Variants in ASIC2 observed in about 807,000 individuals in gnomAD.
ASIC2 encodes the protein acid-sensing ion channel 2.
ASIC2 carries 25 observed loss-of-function variants against 57.3 expected under a neutral mutation model. That is an observed-to-expected ratio of 0.44 (90% CI 0.32 to 0.61). The LOEUF is 0.61. ASIC2 is among the 20% of genes least tolerant of loss of function. ASIC2 has a pLI of 0.06. For missense variants in ASIC2, 641 were observed against 738.1 expected, an observed-to-expected ratio of 0.87 and a Z score of 1.52; for synonymous variants, 319 against 307.5, an observed-to-expected ratio of 1.04 and a Z score of -0.39.
intron 1 of ASIC2, among the ~76,000 whole-genome samples, chr17:34,016,252 G>A (rs1431702949): frequency 1.3e-5 from 2 of 151,808 alleles, no homozygotes; most frequent in African/African-American, 2.4e-5. Flanking sequence ...GTGAAACCCC[G>A]TCTTTACTAA....
At chr17:33,578,615 G>A (rs753821670) in intron 1 of ASIC2, among the ~76,000 whole-genome samples, 3 of 151,994 alleles carry the variant, frequency 2.0e-5, no homozygotes, top group South Asian at 2.1e-4. Flanking sequence ...ATCTTTATAC[G>A]TTTGGGGTTC....
At chr17:34,058,829 C>T (rs1044121231) in intron 1 of ASIC2, among the ~76,000 whole-genome samples, 13 of 152,262 alleles carry the variant, frequency 8.5e-5, no homozygotes, top group East Asian at 1.9e-4. Flanking sequence ...TGCCAAATAC[C>T]GCACTAAGCA....
At chr17:34,099,270 A>G (rs557860157) in intron 1 of ASIC2, among the ~76,000 whole-genome samples, 1 of 147,432 alleles carries the variant, frequency 6.8e-6, no homozygotes, top group East Asian at 2.0e-4. Flanking sequence ...AAAGAAAGAA[A>G]GAGGAAAGAA....
intron 1 of ASIC2, among the ~76,000 whole-genome samples, chr17:34,133,925 C>T (rs1379740416): frequency 6.6e-6 from 1 of 152,152 alleles, no homozygotes; most frequent in African/African-American, 2.4e-5. Flanking sequence ...GTGTAATGCA[C>T]AGGACACTAC....
intron 3 of ASIC2, among the ~76,000 whole-genome samples, chr17:33,031,241 TA>T (rs2091882032): frequency 6.6e-6 from 1 of 152,152 alleles, no homozygotes; most frequent in African/African-American, 2.4e-5. Flanking sequence ...CTAGTTTTGG[TA>T]AGTTGTGTTT....
chr17:33,373,945 T>A (rs556271229), intron 1 of ASIC2, among the ~76,000 whole-genome samples: 19 of 152,156 alleles, frequency 1.2e-4, no homozygotes, highest in Non-Finnish European at 2.6e-4. Context: ...CCAAAAGTGC[T>A]GGGATTACAG....
rs117896522 is a variant in ASIC2, at chr17:33,127,253, A to C, written c.709-15186T>G. ...ACAACTCTCTCAACGTCATGCAGCA[A>C]GTCAGGGGCAGACGTGGGATCTCGA... On this transcript the variant is annotated intron_variant, in intron 1 of 9. Coordinates refer to ENST00000225823, the MANE Select transcript of ASIC2 (RefSeq NM_183377.2). Among the ~76,000 whole-genome samples the C allele has an allele frequency of 4.7e-4, 71 of 152,270 alleles. 1 individual carries two copies. In the East Asian group the frequency reaches 0.012, roughly 27 times the overall value.
chr17:33,054,400 G>T (rs1205660103), intron 3 of ASIC2, among the ~76,000 whole-genome samples: 1 of 152,190 alleles, frequency 6.6e-6, no homozygotes, highest in Non-Finnish European at 1.5e-5. Flanking sequence ...GTAAAATTGG[G>T]AGCTTGCTTA....
chr17:33,649,889 T>C (rs911802538), intron 1 of ASIC2, among the ~76,000 whole-genome samples: 10 of 152,206 alleles, frequency 6.6e-5, no homozygotes, highest in Non-Finnish European at 1.3e-4. Context: ...CAGAGACTTT[T>C]GTATAAATGG....
intron 1 of ASIC2, among the ~76,000 whole-genome samples, chr17:33,848,474 A>G (rs775224381): frequency 2.0e-5 from 3 of 152,100 alleles, no homozygotes; most frequent in Non-Finnish European, 2.9e-5. Context: ...AACAGAGGAC[A>G]GGCACTGAGC....
chr17:34,094,175 C>T (rs1461897115), intron 1 of ASIC2, among the ~76,000 whole-genome samples: 2 of 152,076 alleles, frequency 1.3e-5, no homozygotes, highest in Non-Finnish European at 2.9e-5. Context: ...TCACTCTGGG[C>T]AAATAGCAAG....
chr17:33,459,666 C>A (rs141694977), intron 1 of ASIC2, among the ~76,000 whole-genome samples: 11 of 152,288 alleles, frequency 7.2e-5, no homozygotes, highest in African/African-American at 2.6e-4. Context: ...GCTGTTCTGT[C>A]GGGGTGGGAA....
rs16968553 is a variant in ASIC2, at chr17:33,550,834, A to G, written c.556-438767T>C. Among the ~76,000 whole-genome samples, 640 of 152,342 alleles carry G rather than the reference A, an allele frequency of 4.2e-3. 4 individuals are homozygous for G. The highest frequency in any genetic ancestry group is 0.015 in the African/African-American group (617 of 41,578). On this transcript the variant is annotated intron_variant, in intron 1 of 9. Transcript: ENST00000359872. ...AAGAAGCTATGGCAAGGACAGGAGT[A>G]TAAGCATAGGGAAAGTGATAGTAGT...
intron 1 of ASIC2, among the ~76,000 whole-genome samples, chr17:34,142,128 A>G (rs996057907): frequency 2.6e-5 from 4 of 152,186 alleles, no homozygotes; most frequent in African/African-American, 7.2e-5. Context: ...ATTACTTCCA[A>G]TGCCTTCTTG....
intron 1 of ASIC2, among the ~76,000 whole-genome samples, chr17:33,448,702 G>C (rs1123026): frequency 0.21 from 32,240 of 152,164 alleles, 3,770 homozygotes; most frequent in Middle Eastern, 0.33. Context: ...TCAGACTTCT[G>C]GCCTCCAGAA....
chr17:33,026,778 T>C (rs1355075327), intron 4 of ASIC2, among the ~76,000 whole-genome samples: 2 of 152,192 alleles, frequency 1.3e-5, no homozygotes, highest in African/African-American at 4.8e-5. Context: ...CCAGGATCTT[T>C]TCTTTTCCTT....
chr17:33,052,717 T>C (rs1275183271), intron 3 of ASIC2: 1 of 152,114 alleles, frequency 6.6e-6, no homozygotes, highest in Admixed American at 6.6e-5. Flanking sequence ...ATCCAGAACA[T>C]CTTCAGTAAG....
At chr17:33,815,592 T>C (rs1912555285) in intron 1 of ASIC2, among the ~76,000 whole-genome samples, 1 of 152,200 alleles carries the variant, frequency 6.6e-6, no homozygotes, top group African/African-American at 2.4e-5. Flanking sequence ...GCTAGGGATA[T>C]TGCCCAGGGC....
intron 1 of ASIC2, among the ~76,000 whole-genome samples, chr17:33,494,821 G>T (rs1287265408): frequency 6.6e-6 from 1 of 152,150 alleles, no homozygotes; most frequent in Non-Finnish European, 1.5e-5. Context: ...CATGAGCTCT[G>T]CAGGTTAGAT....
Sources: gnomAD v4.1 joint callset for allele counts (sites outside exome capture counted in the v4.1 genomes callset) on GRCh38, gnomAD v4.1.1 for gene constraint, MANE v1.5 for transcripts, NCBI Gene and HGNC (gene_info 2026-07-23, HGNC 2026-07-21) for gene names.